The following RAPH1 variants were observed in gnomAD, a reference collection of about 807,000 sequenced individuals.
RAPH1 encodes the protein ras-associated and pleckstrin homology domains-containing protein 1.
In RAPH1, 18 loss-of-function variants were observed where a neutral mutation model predicts 88.1. That is an observed-to-expected ratio of 0.20 (90% confidence interval 0.14 to 0.30). The LOEUF is 0.30. RAPH1 is among the 10% of genes least tolerant of loss of function. RAPH1 has a pLI of 1.00. For synonymous variants in RAPH1, 587 were observed against 559.0 expected, an observed-to-expected ratio of 1.05 and a Z score of -0.71; for missense variants, 1,448 against 1,543.2, an observed-to-expected ratio of 0.94 and a Z score of 1.03.
intron 4 of RAPH1, 124 bp downstream of exon 4, chr2:203,489,459 TC>T: frequency 1.5e-6 from 1 of 676,182 alleles, no homozygotes; most frequent in South Asian, 4.4e-5. Flanking sequence ...TTGAAACCTA[TC>T]TCAGAAGTAT....
intron 1 of RAPH1, among the ~76,000 whole-genome samples, chr2:203,495,991 C>G (rs972155143): frequency 6.6e-6 from 1 of 152,168 alleles, no homozygotes; most frequent in Non-Finnish European, 1.5e-5. Context: ...AATCCAGATC[C>G]AAATCCTGTT....
rs754349875 is a variant in RAPH1, at chr2:203,441,038, G to A, written c.2152C>T (p.Pro718Ser). The A allele has an allele frequency of 2.9e-5, 41 of 1,436,990 alleles. 1 individual carries two copies. Among genetic ancestry groups the A allele is most frequent in the South Asian group, 1.3e-4 (11 of 82,078 alleles). The allele number at this position is 1,436,990 out of a possible 1,614,324, so 89.0% of individuals were successfully genotyped here. The change falls in exon 14 of 14, where the codon CCC becomes TCC. Residue 718 changes from proline (P) to serine (S), a missense_variant. Coordinates refer to ENST00000319170, the MANE Select transcript of RAPH1 (RefSeq NM_213589.3). ...VVPPPPPPPP[P>S]PTPGSAMAQL... ...GCCATGGCAGAGCCTGGGGTTGGGG[G>A]TGGAGGAGGGGGAGGGGGTGGTGGA...
At chr2:203,453,267 C>T (rs543561350) in intron 10 of RAPH1, among the ~76,000 whole-genome samples, 7 of 152,082 alleles carry the variant, frequency 4.6e-5, no homozygotes, top group African/African-American at 1.7e-4. Flanking sequence ...CCATTATGGC[C>T]AGGAGCAGTG....
chr2:203,445,041 T>A, intron 12 of RAPH1, 31 bp from the exon 13 acceptor site: 1 of 1,599,018 alleles, frequency 6.3e-7, no homozygotes, highest in East Asian at 2.2e-5. Context: ...AACATAGGTT[T>A]AAAAGAGTCA....
At chr2:203,508,453 C>T (rs184058770) in intron 1 of RAPH1, among the ~76,000 whole-genome samples, 18 of 152,200 alleles carry the variant, frequency 1.2e-4, no homozygotes, top group African/African-American at 4.1e-4. Flanking sequence ...TTATATTCTT[C>T]TTACAACTTT....
chr2:203,458,348 G>A (rs186377345), intron 7 of RAPH1, among the ~76,000 whole-genome samples: 75 of 152,022 alleles, frequency 4.9e-4, no homozygotes, highest in African/African-American at 1.7e-3. Flanking sequence ...GCAACAGAGC[G>A]AGACTCCATC....
Position 203,498,136 on chromosome 2 carries a change from T to A in RAPH1, c.1-2783A>T, listed in dbSNP as rs567239212. Among the ~76,000 whole-genome samples the A allele has an allele frequency of 9.2e-5, 14 of 152,362 alleles. 1 individual carries two copies. The South Asian group carries it at 2.9e-3, about 32-fold the overall frequency. On this transcript the variant is annotated intron_variant, in intron 1 of 13. Coordinates refer to ENST00000319170, the MANE Select transcript of RAPH1 (RefSeq NM_213589.3). ...TTCTGTTTTGAGAGAGTAATACTTA[T>A]TCTTAATTACATTTTATATCTCTTA...
chr2:203,510,574 C>T (rs192420884), intron 1 of RAPH1, among the ~76,000 whole-genome samples: 1 of 152,238 alleles, frequency 6.6e-6, no homozygotes, highest in Non-Finnish European at 1.5e-5. Flanking sequence ...AAAACAAACT[C>T]TCAAACCTGG....
chr2:203,506,900 T>C (rs7576492), intron 1 of RAPH1, among the ~76,000 whole-genome samples: 1 of 91,620 alleles, frequency 1.1e-5, no homozygotes, highest in East Asian at 3.1e-4. Context: ...ATATATATAT[T>C]TTTTTTTTTT....
intron 13 of RAPH1, chr2:203,442,146 A>C: frequency 6.8e-7 from 1 of 1,471,648 alleles, no homozygotes; most frequent in Non-Finnish European, 9.1e-7. Context: ...TATCATACAG[A>C]AAAAGCCAGA....
intron 4 of RAPH1, among the ~76,000 whole-genome samples, chr2:203,462,710 T>C (rs1308474588): frequency 6.6e-6 from 1 of 152,202 alleles, no homozygotes; most frequent in Admixed American, 6.5e-5. Context: ...AAAAATATAC[T>C]TAAACCATTT....
intron 1 of RAPH1, among the ~76,000 whole-genome samples, chr2:203,499,421 C>T (rs1476320231): frequency 6.7e-6 from 1 of 149,694 alleles, no homozygotes; most frequent in Non-Finnish European, 1.5e-5. Context: ...AGTTTAACAG[C>T]AACAAAAAAA....
chr2:203,448,688 T>G lies in RAPH1; in HGVS notation c.1512+50A>C, dbSNP rs754680603. 47 of 1,292,974 alleles carry G rather than the reference T, an allele frequency of 3.6e-5. 2 individuals carry two copies. The South Asian group carries it at 6.2e-4, about 17-fold the overall frequency. 80.1% of individuals were successfully genotyped at this position (1,292,974 alleles called of 1,614,324 possible). The stretch of plus-strand genomic sequence containing the variant: ...AGTTGTCATGAAAACGAAAACTATA[T>G]CATCGACAAACACCTCATTATTCCA... On this transcript the variant is annotated intron_variant, in intron 11 of 13. Coordinates refer to ENST00000319170, the MANE Select transcript of RAPH1 (RefSeq NM_213589.3). The surrounding 1 kb of genome is among the most constrained non-coding windows in gnomAD (Gnocchi z 4.1).
intron 4 of RAPH1, among the ~76,000 whole-genome samples, chr2:203,468,797 T>C (rs960753407): frequency 2.0e-5 from 3 of 152,052 alleles, no homozygotes; most frequent in African/African-American, 4.8e-5. Flanking sequence ...CGGGCAATAA[T>C]AAAGAGCTAA....
chr2:203,493,801 G>C (rs1444172856), intron 2 of RAPH1, among the ~76,000 whole-genome samples: 1 of 151,594 alleles, frequency 6.6e-6, no homozygotes, highest in Non-Finnish European at 1.5e-5. Flanking sequence ...GTGAAACTCT[G>C]TCTCTAATAA....
intron 4 of RAPH1, among the ~76,000 whole-genome samples, chr2:203,469,694 C>T (rs1266661148): frequency 6.6e-6 from 1 of 152,040 alleles, no homozygotes; most frequent in African/African-American, 2.4e-5. Context: ...TATAAAATAC[C>T]AGCCCAGTGA....
chr2:203,455,554 A>G lies in RAPH1; in HGVS notation c.1185T>C (p.Thr395=). Residue 395 remains threonine (T), a synonymous_variant, in exon 9 of 14, where the codon ACT becomes ACC. Coordinates refer to ENST00000319170, the MANE Select transcript of RAPH1 (RefSeq NM_213589.3). ...LEECFCGSSV[T]VPEIEGVLWL... ...AAAGGACTCCTTCAATTTCTGGTACAGTTACAGAACTTCCACAAAAACATT... is the reference window on the plus strand; with the variant it reads ...AAAGGACTCCTTCAATTTCTGGTACGGTTACAGAACTTCCACAAAAACATT... 2 of 1,612,810 alleles carry G rather than the reference A, an allele frequency of 1.2e-6. No individual in the cohort carries two copies. Among genetic ancestry groups the G allele is most frequent in the Non-Finnish European group, 1.7e-6 (2 of 1,179,468 alleles).
At chr2:203,491,166 G>A (rs2105832872) in intron 3 of RAPH1, 48 bp downstream of exon 3, 1 of 1,287,558 alleles carries the variant, frequency 7.8e-7, no homozygotes, top group Non-Finnish European at 1.1e-6. Context: ...CTCCTACATT[G>A]TGTGACTTAG....
At chr2:203,501,660 A>T (rs1029074000) in intron 1 of RAPH1, among the ~76,000 whole-genome samples, 25 of 148,914 alleles carry the variant, frequency 1.7e-4, no homozygotes, top group African/African-American at 5.2e-4. Flanking sequence ...TAGATGAGTT[A>T]AAAAAAAAAG....
Sources: gnomAD v4.1 joint callset for allele counts (sites outside exome capture counted in the v4.1 genomes callset) on GRCh38, gnomAD v4.1.1 for gene constraint, Gnocchi (gnomAD v3.1) non-coding constraint, MANE v1.5 for transcripts, NCBI Gene and HGNC (gene_info 2026-07-23, HGNC 2026-07-21) for gene names.